Variants in NFXL1 observed in about 807,000 individuals in gnomAD.
The protein encoded by NFXL1 is NF-X1-type zinc finger protein NFXL1.
Under a neutral mutation model 123.3 loss-of-function variants are expected in NFXL1, and 66 were observed. The ratio of observed to expected loss-of-function variants is 0.54; its 90% confidence interval spans 0.44 to 0.66. The LOEUF is 0.66. Among genes scored for constraint, NFXL1 ranks in the 30% least tolerant of loss-of-function variants. NFXL1 has a pLI of 0.00. For missense variants in NFXL1, 944 were observed against 1,125.6 expected (o/e 0.84, Z 2.31); for synonymous variants, 346 against 360.8 (o/e 0.96, Z 0.46).
At position 47,898,613 on chromosome 4, in the gene NFXL1, T is replaced by G; in HGVS notation, c.1089+144A>C. The G allele has an allele frequency of 5.2e-6, 3 of 576,324 alleles. No homozygotes were observed. The South Asian group carries it at 7.4e-5, about 14-fold the overall frequency. The allele number at this position is 576,324 out of a possible 1,614,324, so 35.7% of individuals were successfully genotyped here. ...AATGATATTAAATTTAAAAGTAGTT[T>G]CTTAAAACATGATATAATTCATCTG... On this transcript the variant is annotated intron_variant, in intron 8 of 22. Coordinates refer to ENST00000507489, the MANE Select transcript of NFXL1 (RefSeq NM_001278624.2).
chr4:47,855,272 A>G (rs977973051), intron 19 of NFXL1, 109 bp from the exon 20 acceptor site: 1 of 511,340 alleles, frequency 2.0e-6, no homozygotes, highest in African/African-American at 2.0e-5. Context: ...AGGGTCAATC[A>G]ATCCTAGCTA....
At chr4:47,858,499 A>G (rs904552274) in intron 19 of NFXL1, among the ~76,000 whole-genome samples, 1 of 152,226 alleles carries the variant, frequency 6.6e-6, no homozygotes, top group African/African-American at 2.4e-5. Flanking sequence ...AAATTATTCA[A>G]ATGTCCACCC....
chr4:47,859,806 TACTCCA>T (rs1384534477), intron 19 of NFXL1, among the ~76,000 whole-genome samples: 2 of 115,502 alleles, frequency 1.7e-5, no homozygotes, highest in Admixed American at 1.3e-4. Context: ...TGCGCCACCG[TACTCCA>T]ACCCAGGCAA....
chr4:47,909,978 CT>C (rs976079826), intron 3 of NFXL1, among the ~76,000 whole-genome samples: 38 of 152,090 alleles, frequency 2.5e-4, no homozygotes, highest in African/African-American at 8.7e-4. Context: ...AAGAATATTT[CT>C]AATAATAATT....
chr4:47,872,461 C>CAA (rs34343515), intron 18 of NFXL1, among the ~76,000 whole-genome samples: 1 of 110,928 alleles, frequency 9.0e-6, no homozygotes, highest in East Asian at 2.6e-4. Flanking sequence ...GACTCTGTCT[C>CAA]AAAAAAAAAA....
chr4:47,855,274 T>A, intron 19 of NFXL1, 111 bp from the exon 20 acceptor site: 1 of 511,020 alleles, frequency 2.0e-6, no homozygotes, highest in Non-Finnish European at 3.6e-6. Flanking sequence ...GGTCAATCAA[T>A]CCTAGCTAAT....
chr4:47,867,006 G>A (rs1735124235), intron 18 of NFXL1, among the ~76,000 whole-genome samples: 1 of 152,116 alleles, frequency 6.6e-6, no homozygotes, highest in African/African-American at 2.4e-5. Flanking sequence ...CTTGTGACTG[G>A]TTTGCCCTAC....
Position 47,913,958 on chromosome 4 carries a change from G to C in NFXL1, c.235+11C>G, listed in dbSNP as rs1361616663. 24 of 1,535,066 alleles carry C rather than the reference G, an allele frequency of 1.6e-5. No homozygotes were observed. The highest frequency in any genetic ancestry group is 2.1e-5 in the Non-Finnish European group (24 of 1,137,178). ...CATCCAGGTGAGCACGCGGGCGGGA[G>C]CCATTCTCACCGCTGGCTGCGGTAG... On this transcript the variant is annotated intron_variant, in intron 2 of 22. Coordinates refer to ENST00000507489, the MANE Select transcript of NFXL1 (RefSeq NM_001278624.2).
At chr4:47,898,246 G>A (rs1188627871) in intron 8 of NFXL1, among the ~76,000 whole-genome samples, 165 bp from the exon 9 acceptor site, 2 of 151,786 alleles carry the variant, frequency 1.3e-5, no homozygotes, top group Non-Finnish European at 2.9e-5. Context: ...TGTATATATA[G>A]ATACATATAT....
chr4:47,853,208 A>G (rs1171045007), intron 20 of NFXL1, among the ~76,000 whole-genome samples: 3 of 152,136 alleles, frequency 2.0e-5, no homozygotes, highest in Non-Finnish European at 4.4e-5. Context: ...AGGGAAATGG[A>G]ACACAGTAAG....
At position 47,914,159 on chromosome 4, in the gene NFXL1, G is replaced by C; in HGVS notation, c.45C>G (p.Ser15=). Residue 15 remains serine, a synonymous_variant, in exon 2 of 23, where the codon TCC becomes TCG. Coordinates refer to ENST00000507489, the MANE Select transcript of NFXL1 (RefSeq NM_001278624.2). The stretch of plus-strand genomic sequence containing the variant: ...AGGGGGCGGCAGTGGCCCGTCCCCG[G>C]GATCGGCCTCGGCCACCGGCCACCT... ...WRQVAGGRGR[S]RGRATAAPSG... 6.5e-7 allele frequency: 1 copy of C among 1,546,188 alleles called. No individual in the cohort carries two copies. The highest frequency in any genetic ancestry group is 8.7e-7 in the Non-Finnish European group (1 of 1,144,360).
intron 2 of NFXL1, among the ~76,000 whole-genome samples, chr4:47,911,955 T>A (rs754017627): frequency 6.6e-6 from 1 of 152,208 alleles, no homozygotes; most frequent in African/African-American, 2.4e-5. Context: ...ATTTACTGAT[T>A]GACTATTTTA....
intron 22 of NFXL1, among the ~76,000 whole-genome samples, chr4:47,849,489 A>G (rs1309922093): frequency 2.0e-5 from 3 of 152,232 alleles, no homozygotes; most frequent in Non-Finnish European, 4.4e-5. Flanking sequence ...TTTAGTTCAC[A>G]TATCCATTAC....
chr4:47,912,357 CAAAGT>C (rs1255336997), intron 2 of NFXL1, among the ~76,000 whole-genome samples: 2 of 152,008 alleles, frequency 1.3e-5, no homozygotes, highest in Admixed American at 6.6e-5. Flanking sequence ...AACATCATCT[CAAAGT>C]AAAGAGAAGC....
At chr4:47,862,386 C>T (rs894710607) in intron 19 of NFXL1, among the ~76,000 whole-genome samples, 10 of 152,182 alleles carry the variant, frequency 6.6e-5, no homozygotes, top group Non-Finnish European at 1.0e-4. Context: ...TCTTCTACGT[C>T]ACCATCTTCA....
chr4:47,896,154 C>T (rs1443772009), intron 10 of NFXL1, among the ~76,000 whole-genome samples: 2 of 152,052 alleles, frequency 1.3e-5, no homozygotes, highest in African/African-American at 2.4e-5. Context: ...TCACTGATCA[C>T]AGGTTATCAA....
chr4:47,899,612 ATATACT>A, intron 5 of NFXL1, 64 bp from the exon 6 acceptor site: 2 of 1,004,258 alleles, frequency 2.0e-6, no homozygotes, highest in Non-Finnish European at 3.1e-6. Flanking sequence ...AGAGACAGAA[ATATACT>A]TAACAGAGTA....
chr4:47,863,331 G>A (rs1049290963), intron 18 of NFXL1, among the ~76,000 whole-genome samples: 16 of 152,058 alleles, frequency 1.1e-4, no homozygotes, highest in African/African-American at 3.9e-4. Flanking sequence ...AGGCTATTTG[G>A]TGAGAAATAA....
intron 22 of NFXL1, among the ~76,000 whole-genome samples, chr4:47,850,570 T>G (rs892324361): frequency 6.6e-6 from 1 of 152,132 alleles, no homozygotes; most frequent in African/African-American, 2.4e-5. Flanking sequence ...ATCAGGAATG[T>G]ACTTGTTCTC....
Sources: allele counts gnomAD v4.1 joint callset (sites outside exome capture counted in the v4.1 genomes callset), GRCh38; gene constraint gnomAD v4.1.1; transcripts MANE v1.5; gene names NCBI Gene and HGNC (gene_info 2026-07-23, HGNC 2026-07-21).